Variants in GRPR observed in about 807,000 individuals in gnomAD.
GRPR encodes the protein gastrin releasing peptide receptor.
Under a neutral mutation model 15.6 loss-of-function variants are expected in GRPR, and 4 were observed. The observed-to-expected ratio is 0.26, with a 90% CI of 0.13 to 0.59. The LOEUF (loss-of-function observed/expected upper bound fraction) is 0.59. Among genes scored for constraint, GRPR ranks in the 20% least tolerant of loss-of-function variants. The pLI, the probability that GRPR is intolerant of heterozygous loss-of-function variation, is 0.90. For missense variants in GRPR, 270 were observed against 304.1 expected, an observed-to-expected ratio of 0.89 and a Z score of 0.83; for synonymous variants, 128 against 126.8, an observed-to-expected ratio of 1.01 and a Z score of -0.06.
At chrX:16,137,778 G>A (rs1922471873) in intron 1 of GRPR, among the ~76,000 whole-genome samples, 1 of 111,598 alleles carries the variant, frequency 9.0e-6, no homozygotes, top group South Asian at 3.8e-4. Context: ...GGCAGGGGAG[G>A]AATGGGTTGT....
chrX:16,153,249 AT>A lies in GRPR; in HGVS notation c.*614del, dbSNP rs77914526. On this transcript the variant is annotated 3_prime_UTR_variant, in exon 3 of 3. Coordinates refer to ENST00000380289, the MANE Select transcript of GRPR (RefSeq NM_005314.3). ...ATATAAAACAATTCCCTAAGCATTT[AT>A]TTTTTTTTTAAAAAGATGTTACTGA... 74 of 112,565 alleles carry A rather than the reference AT, an allele frequency of 6.6e-4. No individual in the cohort carries two copies. Among genetic ancestry groups the A allele is most frequent in the South Asian group, 1.1e-3 (3 of 2,695 alleles). The allele number at this position is 112,565 out of a possible 1,213,427, so 9.3% of individuals were successfully genotyped here. A position where few individuals can be genotyped will look rare whatever the true frequency, so the allele number is the denominator to read the frequency against.
chrX:16,151,702 C>T (rs1922706771), intron 2 of GRPR, among the ~76,000 whole-genome samples: 1 of 111,811 alleles, frequency 8.9e-6, no homozygotes, highest in Non-Finnish European at 1.9e-5. Flanking sequence ...AGACTATAGT[C>T]CAGAGATAAC....
chrX:16,139,726 T>C (rs186081694), intron 1 of GRPR, among the ~76,000 whole-genome samples: 1 of 112,064 alleles, frequency 8.9e-6, no homozygotes, highest in East Asian at 2.8e-4. Context: ...ACTCAGACGC[T>C]AGATGGTCTC....
intron 1 of GRPR, 124 bp downstream of exon 1, chrX:16,124,490 C>T: frequency 1.6e-6 from 1 of 642,530 alleles, no homozygotes; most frequent in Admixed American, 2.4e-5. Flanking sequence ...GATTCCCTTC[C>T]AGGCAGGTTT....
intron 1 of GRPR, among the ~76,000 whole-genome samples, chrX:16,125,784 G>A (rs1413104893): frequency 2.7e-5 from 3 of 111,346 alleles, no homozygotes; most frequent in Non-Finnish European, 5.6e-5. Flanking sequence ...TTCCCCTTCG[G>A]CTTGCACATC....
chrX:16,148,802 C>A (rs991110678), intron 1 of GRPR, among the ~76,000 whole-genome samples: 1 of 111,462 alleles, frequency 9.0e-6, no homozygotes, highest in African/African-American at 3.3e-5. Context: ...GATAATGGTG[C>A]CCTTGTCTTG....
At chrX:16,128,701 G>C (rs932135879) in intron 1 of GRPR, among the ~76,000 whole-genome samples, 6 of 110,598 alleles carry the variant, frequency 5.4e-5, no homozygotes, top group Admixed American at 4.8e-4. Context: ...GATTGGGTGG[G>C]TTACATGTAT....
chrX:16,142,325 C>T (rs1922541082), intron 1 of GRPR, among the ~76,000 whole-genome samples: 1 of 111,984 alleles, frequency 8.9e-6, no homozygotes, highest in African/African-American at 3.2e-5. Context: ...TATGTTTTCT[C>T]CCTGACTTGT....
At position 16,131,258 on chromosome X, in the gene GRPR, T is replaced by C. The variant is rs755468146; in HGVS notation, c.413+6892T>C. Reference sequence around the variant, plus strand: ...CTCCTATGTGTGGGGTTTGCGTAAATTCTCTCTTAATTAAAACACATGTTT... The same window carrying C: ...CTCCTATGTGTGGGGTTTGCGTAAACTCTCTCTTAATTAAAACACATGTTT... On this transcript the variant is annotated intron_variant, in intron 1 of 2. Transcript: ENST00000380289. Among the ~76,000 whole-genome samples the C allele has an allele frequency of 2.7e-5, 3 of 111,651 alleles. No individual in the cohort carries two copies. In the Admixed American group the frequency reaches 2.8e-4, roughly 11 times the overall value.
At chrX:16,145,310 A>C (rs986802985) in intron 1 of GRPR, among the ~76,000 whole-genome samples, 2 of 112,405 alleles carry the variant, frequency 1.8e-5, no homozygotes, top group Admixed American at 9.4e-5. Flanking sequence ...GTGGAGTACT[A>C]TTCAGCCCTA....
chrX:16,135,379 TTC>T (rs1253294895), intron 1 of GRPR, among the ~76,000 whole-genome samples: 1 of 112,536 alleles, frequency 8.9e-6, no homozygotes, highest in African/African-American at 3.2e-5. Context: ...TTTCTTTGTC[TTC>T]TTTCTCTTTT....
At chrX:16,152,135 C>G (rs1434851124) in intron 2 of GRPR, 121 bp from the exon 3 acceptor site, 2 of 623,684 alleles carry the variant, frequency 3.2e-6, no homozygotes, top group Non-Finnish European at 2.7e-6. Context: ...GCTTTGTGAA[C>G]TCCTCTATTG....
chrX:16,133,420 A>G (rs1285534097), intron 1 of GRPR, among the ~76,000 whole-genome samples: 3 of 111,585 alleles, frequency 2.7e-5, no homozygotes, highest in African/African-American at 9.8e-5. Context: ...TACTTTACAT[A>G]TACTCACATA....
intron 1 of GRPR, among the ~76,000 whole-genome samples, chrX:16,130,008 A>T (rs1438176428): frequency 9.0e-6 from 1 of 110,990 alleles, no homozygotes; most frequent in Non-Finnish European, 1.9e-5. Flanking sequence ...CATCTACCCA[A>T]ATCCTATCAA....
chrX:16,123,920 A>G lies in GRPR; in HGVS notation c.-34A>G. 1 of 1,153,920 alleles carries G rather than the reference A, an allele frequency of 8.7e-7. No individual in the cohort carries two copies. Among genetic ancestry groups the G allele is most frequent in the Non-Finnish European group, 1.2e-6 (1 of 845,785 alleles). ...AATCAATAGTTAAGAAATAGCATCT[A>G]AGGGAACTTTTAGGTGGGAAAAAAA... On this transcript the variant is annotated 5_prime_UTR_variant, in exon 1 of 3. Coordinates refer to ENST00000380289, the MANE Select transcript of GRPR (RefSeq NM_005314.3).
At chrX:16,141,103 G>T (rs1204635911) in intron 1 of GRPR, among the ~76,000 whole-genome samples, 2 of 112,214 alleles carry the variant, frequency 1.8e-5, no homozygotes, top group African/African-American at 6.5e-5. Context: ...AACAATGTGT[G>T]CCAGGATGTT....
At chrX:16,150,837 C>G (rs1453496656) in intron 2 of GRPR, among the ~76,000 whole-genome samples, 181 bp downstream of exon 2, 1 of 112,246 alleles carries the variant, frequency 8.9e-6, no homozygotes, top group African/African-American at 3.2e-5. Context: ...TAGTCTTATT[C>G]TCCTGTTAAA....
At chrX:16,138,895 C>T (rs1040418189) in intron 1 of GRPR, among the ~76,000 whole-genome samples, 2 of 112,054 alleles carry the variant, frequency 1.8e-5, no homozygotes, top group African/African-American at 6.5e-5. Context: ...AACAAGTCCC[C>T]TTATTTTTGT....
chrX:16,151,531 A>AC lies in GRPR; in HGVS notation c.766-725_766-724insC, dbSNP rs1322708400. Among the ~76,000 whole-genome samples, 7 of 111,778 alleles carry AC rather than the reference A, an allele frequency of 6.3e-5. No homozygotes were observed. The Admixed American group carries it at 6.6e-4, about 11-fold the overall frequency. On this transcript the variant is annotated intron_variant, in intron 2 of 2. Transcript: ENST00000380289. ...GTCTCAGTTGTGGGGGAAGAGTGGC[A>AC]GTTTCTAATGAAACTACCTTCCTAC...
Sources: gnomAD v4.1 joint callset for allele counts (sites outside exome capture counted in the v4.1 genomes callset) on GRCh38, gnomAD v4.1.1 for gene constraint, MANE v1.5 for transcripts, NCBI Gene and HGNC (gene_info 2026-07-23, HGNC 2026-07-21) for gene names.